The following ILRUN variants were observed in gnomAD, a reference collection of about 807,000 sequenced individuals.
ILRUN encodes protein ILRUN.
In ILRUN, 3 loss-of-function variants were observed where a neutral mutation model predicts 33.8. That is an observed-to-expected ratio of 0.09 (90% CI 0.04 to 0.23). The LOEUF (loss-of-function observed/expected upper bound fraction) is 0.23. Among genes scored for constraint, ILRUN ranks in the 10% least tolerant of loss-of-function variants. The pLI is 1.00. For missense variants in ILRUN, 210 were observed against 375.1 expected, an observed-to-expected ratio of 0.56 and a Z score of 3.64; for synonymous variants, 124 against 138.9, an observed-to-expected ratio of 0.89 and a Z score of 0.75.
intron 3 of ILRUN, among the ~76,000 whole-genome samples, chr6:34,612,551 G>C (rs1244259089): frequency 1.3e-5 from 2 of 152,178 alleles, no homozygotes; most frequent in Non-Finnish European, 2.9e-5. Flanking sequence ...TCCTTTTGTA[G>C]AAATACATCA....
rs893389351 is a variant in ILRUN, at chr6:34,635,937, G to T, written c.511+10664C>A. Among the ~76,000 whole-genome samples, 5 of 152,198 alleles carry T rather than the reference G, an allele frequency of 3.3e-5. No homozygotes were observed. The South Asian group carries it at 1.0e-3, about 32-fold the overall frequency. Reference sequence around the variant, plus strand: ...ACGCTGGGCCTGGAAATCTTAAGAAGAAACTGGAAGGGCATTAGTTACTAC... The same window carrying T: ...ACGCTGGGCCTGGAAATCTTAAGAATAAACTGGAAGGGCATTAGTTACTAC... On this transcript the variant is annotated intron_variant, in intron 3 of 4. Coordinates refer to ENST00000374023, the MANE Select transcript of ILRUN (RefSeq NM_024294.4).
At chr6:34,610,859 C>A (rs1761733367) in intron 3 of ILRUN, among the ~76,000 whole-genome samples, 1 of 152,176 alleles carries the variant, frequency 6.6e-6, no homozygotes, top group Non-Finnish European at 1.5e-5. Flanking sequence ...ATTCTGAAAG[C>A]TGTTATCCAT....
chr6:34,673,068 A>G (rs1037382153), intron 1 of ILRUN, among the ~76,000 whole-genome samples: 1 of 152,266 alleles, frequency 6.6e-6, no homozygotes, highest in African/African-American at 2.4e-5. Context: ...CAGTGCCTTC[A>G]AAATTCTGAG....
At position 34,671,330 on chromosome 6, in the gene ILRUN, G is replaced by A. The variant is rs118088847; in HGVS notation, c.159-16551C>T. 2.9e-4 allele frequency among the ~76,000 whole-genome samples: 44 copies of A among 152,288 alleles called. No homozygotes were observed. In the East Asian group the frequency reaches 7.7e-3, roughly 27 times the overall value. The stretch of plus-strand genomic sequence containing the variant: ...GAGTCTGGGAGGTTGAGGTTGCAGT[G>A]AGCCATGATCGCGCCGCTGCGCTCA... On this transcript the variant is annotated intron_variant, in intron 1 of 4. Transcript: ENST00000374023.
At chr6:34,635,178 A>G (rs1033138721) in intron 3 of ILRUN, among the ~76,000 whole-genome samples, 2 of 152,158 alleles carry the variant, frequency 1.3e-5, no homozygotes, top group Admixed American at 6.5e-5. Context: ...CCAAAACCAA[A>G]CCCACTTTAG....
intron 3 of ILRUN, chr6:34,616,490 C>T: frequency 1.3e-6 from 1 of 761,328 alleles, no homozygotes; most frequent in South Asian, 1.6e-5. Context: ...CATGCCCCAA[C>T]AGTAGGCAGT....
At chr6:34,631,419 C>T (rs1762242769) in intron 3 of ILRUN, among the ~76,000 whole-genome samples, 1 of 151,978 alleles carries the variant, frequency 6.6e-6, no homozygotes, top group Admixed American at 6.6e-5. Flanking sequence ...CCTCCGCCTC[C>T]TGGGTTCAAG....
intron 1 of ILRUN, among the ~76,000 whole-genome samples, chr6:34,655,557 G>A (rs1370477107): frequency 6.6e-6 from 1 of 152,014 alleles, no homozygotes; most frequent in East Asian, 1.9e-4. Flanking sequence ...CATCCTCATT[G>A]TTTTTTACAG....
At chr6:34,689,244 G>A (rs943180078) in intron 1 of ILRUN, among the ~76,000 whole-genome samples, 2 of 151,700 alleles carry the variant, frequency 1.3e-5, no homozygotes, top group East Asian at 3.9e-4. Flanking sequence ...TGAGGTGGGA[G>A]AATCACTTGA....
intron 1 of ILRUN, among the ~76,000 whole-genome samples, chr6:34,677,885 G>T (rs1763270307): frequency 6.8e-6 from 1 of 148,112 alleles, no homozygotes; most frequent in Non-Finnish European, 1.5e-5. Flanking sequence ...GGAGGTCGAG[G>T]CTGCAGTGAG....
Position 34,678,200 on chromosome 6 carries a change from C to T in ILRUN, c.158+18246G>A, listed in dbSNP as rs537017522. ...GATTACAGGTGCCCACCACCAGGCC[C>T]GGCTAATTTTTGTATTTTTTAGTAG... On this transcript the variant is annotated intron_variant, in intron 1 of 4. Transcript: ENST00000374023. Among the ~76,000 whole-genome samples the T allele has an allele frequency of 8.5e-5, 13 of 152,112 alleles. No homozygotes were observed. The East Asian group carries it at 1.4e-3, about 16-fold the overall frequency.
chr6:34,663,414 C>A (rs939715084), intron 1 of ILRUN, among the ~76,000 whole-genome samples: 1 of 152,028 alleles, frequency 6.6e-6, no homozygotes, highest in Non-Finnish European at 1.5e-5. Flanking sequence ...CAGAATGAGA[C>A]CCTGTCTCAA....
At chr6:34,668,573 G>C (rs1763049670) in intron 1 of ILRUN, among the ~76,000 whole-genome samples, 1 of 152,128 alleles carries the variant, frequency 6.6e-6, no homozygotes, top group African/African-American at 2.4e-5. Flanking sequence ...GTAAAAAGTG[G>C]CTAAAATAAT....
At chr6:34,687,335 G>T (rs928566023) in intron 1 of ILRUN, among the ~76,000 whole-genome samples, 7 of 152,092 alleles carry the variant, frequency 4.6e-5, no homozygotes, top group Admixed American at 3.9e-4. Flanking sequence ...TTAGTAATTA[G>T]AAAAATAAGA....
chr6:34,596,716 C>T (rs575347947), intron 4 of ILRUN, among the ~76,000 whole-genome samples: 1 of 152,212 alleles, frequency 6.6e-6, no homozygotes, highest in Admixed American at 6.5e-5. Flanking sequence ...AGGAAAAAAC[C>T]CTACTTCTAC....
chr6:34,696,712 GCTC>G lies in ILRUN; in HGVS notation c.-112_-110del. On this transcript the variant is annotated 5_prime_UTR_variant, in exon 1 of 5. Coordinates refer to ENST00000374023, the MANE Select transcript of ILRUN (RefSeq NM_024294.4). ...CGCTGCTAGCTAGCTTCGCGACCCC[GCTC>G]CTTTGAGGTAGGCCCCGGGCCTCTC... is the stretch of plus-strand genomic sequence containing the variant. The G allele has an allele frequency of 2.5e-6, 3 of 1,217,394 alleles. No individual in the cohort carries two copies. The highest frequency in any genetic ancestry group is 3.4e-6 in the Non-Finnish European group (3 of 876,418). The allele number at this position is 1,217,394 out of a possible 1,614,324, so 75.4% of individuals were successfully genotyped here.
At chr6:34,639,835 C>T (rs1322583798) in intron 3 of ILRUN, among the ~76,000 whole-genome samples, 3 of 152,280 alleles carry the variant, frequency 2.0e-5, no homozygotes, top group African/African-American at 7.2e-5. Context: ...ACAACTTTTA[C>T]TAGACCTTAA....
chr6:34,636,055 T>C (rs767785561), intron 3 of ILRUN, among the ~76,000 whole-genome samples: 11 of 152,118 alleles, frequency 7.2e-5, no homozygotes, highest in Non-Finnish European at 8.8e-5. Flanking sequence ...CCAGGAATTA[T>C]AGACCAACCC....
At chr6:34,682,259 T>TG (rs1562031980) in intron 1 of ILRUN, among the ~76,000 whole-genome samples, 7 of 54,330 alleles carry the variant, frequency 1.3e-4, no homozygotes, top group Admixed American at 9.1e-4. Flanking sequence ...CTGTTTTTTT[T>TG]TTTTTTTTTT....
Sources: gnomAD v4.1 joint callset for allele counts (sites outside exome capture counted in the v4.1 genomes callset) on GRCh38, gnomAD v4.1.1 for gene constraint, MANE v1.5 for transcripts, NCBI Gene and HGNC (gene_info 2026-07-23, HGNC 2026-07-21) for gene names.